PRELID2: variants seen among roughly 807,000 people sequenced by gnomAD.
PRELID2 encodes the protein PRELI domain-containing protein 2.
Under a neutral mutation model 28.4 loss-of-function variants are expected in PRELID2, and 25 were observed. The ratio of observed to expected loss-of-function variants is 0.88; its 90% CI spans 0.64 to 1.23. The LOEUF is 1.23. Ranked by LOEUF, PRELID2 falls within the 50% of genes most tolerant of loss-of-function variation. The pLI is 0.00. For synonymous variants in PRELID2, 76 were observed against 71.6 expected, an observed-to-expected ratio of 1.06 and a Z score of -0.31; for missense variants, 201 against 214.4, an observed-to-expected ratio of 0.94 and a Z score of 0.39.
the PRELID2 span, among the ~76,000 whole-genome samples, chr5:145,358,161 C>T: frequency 2.6e-5 from 4 of 152,076 alleles, no homozygotes; most frequent in African/African-American, 9.7e-5. Context: ...TGTCTCAGTG[C>T]TTCTCAGGGG....
the PRELID2 span, among the ~76,000 whole-genome samples, chr5:145,462,578 A>T: frequency 1.3e-5 from 2 of 152,180 alleles, no homozygotes; most frequent in East Asian, 1.9e-4. Flanking sequence ...TCTACTCTCC[A>T]TCTTTCCCTA....
the PRELID2 span, among the ~76,000 whole-genome samples, chr5:145,422,831 C>T: frequency 1.4e-4 from 21 of 151,692 alleles, no homozygotes; most frequent in African/African-American, 4.8e-4. Flanking sequence ...TTCCTAGTCT[C>T]GATGGTCTTT....
At chr5:145,236,130 T>C in the PRELID2 span, among the ~76,000 whole-genome samples, 1 of 152,158 alleles carries the variant, frequency 6.6e-6, no homozygotes, top group Non-Finnish European at 1.5e-5. Context: ...GGTGCATAAA[T>C]GGTTTATGCT....
At chr5:145,331,819 T>C in the PRELID2 span, among the ~76,000 whole-genome samples, 13 of 152,354 alleles carry the variant, frequency 8.5e-5, no homozygotes, top group East Asian at 2.5e-3. Flanking sequence ...ATTATGATGC[T>C]AGCTGGTTAT....
the PRELID2 span, among the ~76,000 whole-genome samples, chr5:145,287,862 C>T: frequency 6.6e-6 from 1 of 152,146 alleles, no homozygotes; most frequent in African/African-American, 2.4e-5. Flanking sequence ...TGTAACTTAT[C>T]TTAGCTGTAC....
chr5:145,371,506 G>A, the PRELID2 span, among the ~76,000 whole-genome samples: 1 of 151,966 alleles, frequency 6.6e-6, no homozygotes, highest in Non-Finnish European at 1.5e-5. Flanking sequence ...TGCTGGATTT[G>A]GTTTGCCAGT....
Position 145,796,551 on chromosome 5 carries a change from C to CAA in PRELID2, c.369-6_369-5dup. The CAA allele has an allele frequency of 1.3e-6, 2 of 1,544,368 alleles. No individual in the cohort carries two copies. Among genetic ancestry groups the CAA allele is most frequent in the South Asian group, 1.2e-5 (1 of 83,264 alleles). On this transcript the variant is annotated splice_polypyrimidine_tract_variant and splice_region_variant and intron_variant, in intron 4 of 6. Transcript: ENST00000683046. The stretch of plus-strand genomic sequence containing the variant: ...GCCTCTTTGAATGAACTCTGTCCTG[C>CAA]AAAAAAAACAAAAAACACATCTTTG...
chr5:145,459,912 C>A, the PRELID2 span, among the ~76,000 whole-genome samples: 2 of 151,658 alleles, frequency 1.3e-5, no homozygotes, highest in African/African-American at 2.4e-5. Context: ...CGGGTTCAAG[C>A]AATTCTCCTG....
chr5:145,821,037 A>G (rs386547), intron 2 of PRELID2, among the ~76,000 whole-genome samples: 109,239 of 151,764 alleles, frequency 0.72, 40,124 homozygotes, highest in Non-Finnish European at 0.81. Flanking sequence ...AGTTTCAGGT[A>G]TTTTCTATCT....
chr5:145,806,325 T>C (rs113889705), intron 4 of PRELID2, among the ~76,000 whole-genome samples: 1 of 152,202 alleles, frequency 6.6e-6, no homozygotes, highest in African/African-American at 2.4e-5. Context: ...ACTTTTTAAA[T>C]ATTTTTGTTA....
In PRELID2 at chr5:145,690,743, T is replaced by A. The variant is rs976228363; in HGVS notation, n.70+74188A>T. ...TTTCACTCACTATGAAAAGATGCAGTCCAAAAAGATATAGCCCCTGTTTCT... is the reference window on the plus strand; with the variant it reads ...TTTCACTCACTATGAAAAGATGCAGACCAAAAAGATATAGCCCCTGTTTCT... On this transcript the variant is annotated intron_variant and non_coding_transcript_variant, in intron 1 of 2. Coordinates refer to the PRELID2 transcript ENST00000510259. Among the ~76,000 whole-genome samples the A allele has an allele frequency of 5.3e-5, 8 of 152,240 alleles. 1 individual carries two copies. In the South Asian group the frequency reaches 1.7e-3, roughly 32 times the overall value.
chr5:145,629,985 T>C (rs543809832), intron 1 of PRELID2, among the ~76,000 whole-genome samples: 94 of 152,298 alleles, frequency 6.2e-4, no homozygotes, highest in African/African-American at 2.2e-3. Context: ...ACAAGGCATT[T>C]AAGCTTTAAT....
In PRELID2 at chr5:145,799,001, A is replaced by G. The variant is rs568566063; in HGVS notation, c.369-2454T>C. 2.6e-3 allele frequency among the ~76,000 whole-genome samples: 386 copies of G among 151,244 alleles called. 2 individuals carry two copies. The highest frequency in any genetic ancestry group is 9.2e-3 in the African/African-American group (379 of 40,986). ...TCAAACCTGCACGTTGTGCACATGT[A>G]CCCTAGAACTTAAAGTATAATAAAA... is the stretch of plus-strand genomic sequence containing the variant. On this transcript the variant is annotated intron_variant, in intron 4 of 6. Coordinates refer to ENST00000683046, the MANE Select transcript of PRELID2 (RefSeq NM_205846.3).
chr5:145,765,076 C>T (rs1757666585), intron 5 of PRELID2, 76 bp from the exon 6 acceptor site: 1 of 1,007,402 alleles, frequency 9.9e-7, no homozygotes, highest in East Asian at 2.5e-5. Flanking sequence ...CAACCTTTTC[C>T]CTTCAAAGAA....
At chr5:145,761,561 C>T (rs1757477331) in intron 6 of PRELID2, among the ~76,000 whole-genome samples, 1 of 152,158 alleles carries the variant, frequency 6.6e-6, no homozygotes, top group Non-Finnish European at 1.5e-5. Context: ...CCACAACACT[C>T]CTTGATGTTA....
chr5:145,744,549 C>T (rs1162391451), intron 1 of PRELID2, among the ~76,000 whole-genome samples: 17 of 152,132 alleles, frequency 1.1e-4, no homozygotes, highest in African/African-American at 3.6e-4. Context: ...TCGCCAGGCG[C>T]GGTAGTGAAC....
chr5:145,793,682 C>T (rs1321538246), intron 5 of PRELID2, among the ~76,000 whole-genome samples: 1 of 152,088 alleles, frequency 6.6e-6, no homozygotes, highest in Non-Finnish European at 1.5e-5. Context: ...GTTGAAGTCA[C>T]CTAATTATTT....
At chr5:145,568,808 C>T (rs564623221) in intron 1 of PRELID2, among the ~76,000 whole-genome samples, 43 of 152,340 alleles carry the variant, frequency 2.8e-4, no homozygotes, top group African/African-American at 1.0e-3. Context: ...CAATACTACT[C>T]TCAAAGAGAA....
At chr5:145,445,199 C>A in the PRELID2 span, among the ~76,000 whole-genome samples, 2 of 151,998 alleles carry the variant, frequency 1.3e-5, no homozygotes, top group Non-Finnish European at 1.5e-5. Flanking sequence ...ACTAATGGAA[C>A]AAAATAGAGA....
Sources: gnomAD v4.1 joint callset for allele counts (sites outside exome capture counted in the v4.1 genomes callset) on GRCh38, gnomAD v4.1.1 for gene constraint, MANE v1.5 for transcripts, NCBI Gene and HGNC (gene_info 2026-07-23, HGNC 2026-07-21) for gene names.